Variants in SCHIP1 observed in about 807,000 individuals in gnomAD.
SCHIP1 encodes the protein schwannomin interacting protein 1.
A neutral mutation model predicts 29.7 loss-of-function variants in SCHIP1; 8 were observed. The ratio of observed to expected loss-of-function variants is 0.27; its 90% CI spans 0.16 to 0.49. The LOEUF (loss-of-function observed/expected upper bound fraction) is 0.49, where lower values mean the gene tolerates loss of function less well. Ranked by LOEUF, SCHIP1 falls within the 20% of genes least tolerant of loss-of-function variation. The probability of loss-of-function intolerance (pLI) is 0.99; values close to 1 mark genes in which losing one functional copy is unlikely to be tolerated. For missense variants in SCHIP1, 193 were observed against 294.6 expected (o/e 0.66, Z 2.52); for synonymous variants, 76 against 94.9 (o/e 0.80, Z 1.16).
the SCHIP1 span, among the ~76,000 whole-genome samples, chr3:159,406,342 C>T: frequency 6.6e-6 from 1 of 152,206 alleles, no homozygotes; most frequent in East Asian, 1.9e-4. Context: ...AATGAAACAA[C>T]AACAACAACA....
the SCHIP1 span, among the ~76,000 whole-genome samples, chr3:159,738,171 C>A: frequency 1.3e-5 from 2 of 151,232 alleles, no homozygotes; most frequent in Non-Finnish European, 2.9e-5. Flanking sequence ...TGACACAATG[C>A]ATTTTGTAGG....
the SCHIP1 span, among the ~76,000 whole-genome samples, chr3:159,622,230 G>A: frequency 2.4e-4 from 36 of 152,328 alleles, no homozygotes; most frequent in African/African-American, 7.9e-4. Context: ...ACAGGCAGGG[G>A]CACAGCTGAC....
chr3:159,274,649 G>C, the SCHIP1 span: 24 of 816,636 alleles, frequency 2.9e-5, no homozygotes, highest in Middle Eastern at 6.2e-4. Context: ...CACAACCAAC[G>C]AAGAAATAAT....
the SCHIP1 span, among the ~76,000 whole-genome samples, chr3:159,626,247 TCTATATAGATAG>T: frequency 0.028 from 3,062 of 110,652 alleles, 70 homozygotes; most frequent in Non-Finnish European, 0.035. Flanking sequence ...TATCTATCTA[TCTATATAGATAG>T]ATAGATAGAT....
At chr3:159,354,901 C>G in the SCHIP1 span, among the ~76,000 whole-genome samples, 2 of 152,114 alleles carry the variant, frequency 1.3e-5, no homozygotes, top group African/African-American at 2.4e-5. Flanking sequence ...CCGCAGAAAG[C>G]AATGATTATT....
At chr3:159,720,800 G>A in the SCHIP1 span, among the ~76,000 whole-genome samples, 1 of 152,138 alleles carries the variant, frequency 6.6e-6, no homozygotes, top group Non-Finnish European at 1.5e-5. Context: ...GGCCAGACTG[G>A]TTGCAAACTC....
At chr3:159,895,530 C>A (rs1475160644) in intron 6 of SCHIP1, among the ~76,000 whole-genome samples, 1 of 152,106 alleles carries the variant, frequency 6.6e-6, no homozygotes, top group African/African-American at 2.4e-5. Flanking sequence ...GCCTTCAAAC[C>A]CCATCATTCT....
chr3:159,750,012 T>C, the SCHIP1 span, among the ~76,000 whole-genome samples: 1 of 152,076 alleles, frequency 6.6e-6, no homozygotes, highest in Non-Finnish European at 1.5e-5. Context: ...TTCTATATAG[T>C]AATATCAGTT....
chr3:159,633,858 T>G, the SCHIP1 span, among the ~76,000 whole-genome samples: 1 of 152,072 alleles, frequency 6.6e-6, no homozygotes, highest in Non-Finnish European at 1.5e-5. Context: ...ATTTGGAAAA[T>G]ATTAGTGATA....
At chr3:159,589,788 T>G in the SCHIP1 span, among the ~76,000 whole-genome samples, 2 of 152,196 alleles carry the variant, frequency 1.3e-5, no homozygotes, top group Admixed American at 1.3e-4. Flanking sequence ...TTATGTTTAC[T>G]GAGCAATATT....
the SCHIP1 span, among the ~76,000 whole-genome samples, chr3:159,666,394 G>A: frequency 5.3e-5 from 8 of 152,254 alleles, no homozygotes; most frequent in South Asian, 6.2e-4. Context: ...TTTCTATAAC[G>A]GTGCTATCAA....
the SCHIP1 span, among the ~76,000 whole-genome samples, chr3:159,307,628 C>G: frequency 6.6e-6 from 1 of 151,992 alleles, no homozygotes; most frequent in Non-Finnish European, 1.5e-5. Context: ...AGGACTTAGC[C>G]AAAAATTCTT....
chr3:159,430,161 A>G, the SCHIP1 span, among the ~76,000 whole-genome samples: 1 of 152,342 alleles, frequency 6.6e-6, no homozygotes, highest in African/African-American at 2.4e-5. Flanking sequence ...GTTTGTGATT[A>G]GAAATGGGCA....
At chr3:159,499,316 A>G in the SCHIP1 span, among the ~76,000 whole-genome samples, 1 of 152,212 alleles carries the variant, frequency 6.6e-6, no homozygotes, top group South Asian at 2.1e-4. Flanking sequence ...TGAAAATACT[A>G]CGATCTACTC....
the SCHIP1 span, among the ~76,000 whole-genome samples, chr3:159,479,672 C>T: frequency 6.6e-6 from 1 of 152,076 alleles, no homozygotes; most frequent in African/African-American, 2.4e-5. Flanking sequence ...AAGGATTTCC[C>T]TGAATGGACG....
At chr3:159,490,694 G>A in the SCHIP1 span, among the ~76,000 whole-genome samples, 4 of 152,212 alleles carry the variant, frequency 2.6e-5, no homozygotes, top group Admixed American at 6.5e-5. Context: ...TGGAGCCCTC[G>A]TGTATGGAGA....
the SCHIP1 span, among the ~76,000 whole-genome samples, chr3:159,407,417 T>C: frequency 2.0e-5 from 3 of 152,178 alleles, no homozygotes; most frequent in African/African-American, 7.2e-5. Flanking sequence ...AAGAGAGAGA[T>C]GGGCCCCAGT....
chr3:159,586,599 C>A, the SCHIP1 span, among the ~76,000 whole-genome samples: 2 of 152,114 alleles, frequency 1.3e-5, no homozygotes, highest in Admixed American at 6.6e-5. Context: ...CACAGCAGAT[C>A]CCTGAGGATG....
the SCHIP1 span, among the ~76,000 whole-genome samples, chr3:159,650,163 C>A: frequency 4.6e-5 from 7 of 151,910 alleles, no homozygotes; most frequent in Non-Finnish European, 7.4e-5. Context: ...GTATTCTGTC[C>A]CCTCTTTGTT....
Sources: allele counts gnomAD v4.1 joint callset (sites outside exome capture counted in the v4.1 genomes callset), GRCh38; gene constraint gnomAD v4.1.1; transcripts MANE v1.5; gene names NCBI Gene and HGNC (gene_info 2026-07-23, HGNC 2026-07-21).